SDK1: variants seen among roughly 807,000 people sequenced by gnomAD.
The protein encoded by SDK1 is sidekick cell adhesion molecule 1.
SDK1 carries 157 observed loss-of-function variants against 245.5 expected under a neutral mutation model. That is an observed-to-expected ratio of 0.64 (90% confidence interval 0.56 to 0.73). SDK1 has a LOEUF of 0.73. SDK1 is among the 30% of genes least tolerant of loss of function. The pLI, the probability that SDK1 is intolerant of heterozygous loss-of-function variation, is 0.00. For synonymous variants in SDK1, 1,647 were observed against 1,278.5 expected, an observed-to-expected ratio of 1.29 and a Z score of -6.15; for missense variants, 3,583 against 3,002.3, an observed-to-expected ratio of 1.19 and a Z score of -4.52.
In SDK1 at chr7:3,962,704, A is replaced by C; in HGVS notation, c.1282A>C (p.Ser428Arg). The C allele has an allele frequency of 6.2e-7, 1 of 1,613,810 alleles. No individual in the cohort carries two copies. Among genetic ancestry groups the C allele is most frequent in the Non-Finnish European group, 8.5e-7 (1 of 1,179,832 alleles). ...GTGGTACAAGGATGCCATCTCCATC[A>C]GCAGGCTCCAGAATCCTCGATACAA... ...LQWYKDAISI[S>R]RLQNPRYKVL... The change falls in exon 9 of 45, where the codon AGC (serine) becomes CGC (arginine). Residue 428 changes from serine (S) to arginine (R), a missense_variant. Coordinates refer to ENST00000404826, the MANE Select transcript of SDK1 (RefSeq NM_152744.4).
chr7:3,833,199 C>T (rs966415458), intron 5 of SDK1, among the ~76,000 whole-genome samples: 1 of 152,188 alleles, frequency 6.6e-6, no homozygotes, highest in African/African-American at 2.4e-5. Flanking sequence ...CATTTTAGTT[C>T]CTAAGTCGAA....
At chr7:3,868,273 G>T (rs150771498) in intron 5 of SDK1, among the ~76,000 whole-genome samples, 80 of 152,230 alleles carry the variant, frequency 5.3e-4, no homozygotes, top group African/African-American at 1.8e-3. Flanking sequence ...AAAATGTGCC[G>T]CTTAGTTTAT....
chr7:3,675,618 G>A (rs1248091322), intron 4 of SDK1, among the ~76,000 whole-genome samples: 1 of 152,110 alleles, frequency 6.6e-6, no homozygotes, highest in Admixed American at 6.6e-5. Context: ...CTGTCACCCA[G>A]GCTGGAGTAT....
At chr7:3,526,142 A>G (rs1026138276) in intron 1 of SDK1, among the ~76,000 whole-genome samples, 2 of 152,100 alleles carry the variant, frequency 1.3e-5, no homozygotes, top group Admixed American at 6.5e-5. Flanking sequence ...CTGAGGCAGG[A>G]GAATTGCTTG....
intron 35 of SDK1, among the ~76,000 whole-genome samples, chr7:4,188,279 G>A (rs549925434): frequency 6.6e-6 from 1 of 152,220 alleles, no homozygotes; most frequent in Non-Finnish European, 1.5e-5. Context: ...GGCGGCTTCT[G>A]ATTGGTTGGG....
chr7:3,808,438 A>G (rs562825860), intron 4 of SDK1, among the ~76,000 whole-genome samples: 1 of 152,180 alleles, frequency 6.6e-6, no homozygotes, highest in Admixed American at 6.5e-5. Context: ...CTGTCTCCCA[A>G]CTGTGGCTAA....
At chr7:3,439,714 C>T (rs1016413701) in intron 1 of SDK1, among the ~76,000 whole-genome samples, 11 of 152,154 alleles carry the variant, frequency 7.2e-5, no homozygotes, top group African/African-American at 2.4e-4. Context: ...CTTTATAGAA[C>T]AGAAAAAACA....
At chr7:4,209,425 G>A (rs1226424056) in intron 37 of SDK1, among the ~76,000 whole-genome samples, 1 of 152,200 alleles carries the variant, frequency 6.6e-6, no homozygotes, top group African/African-American at 2.4e-5. Flanking sequence ...CGGGCAGAGG[G>A]GGAGCTGCCA....
chr7:3,649,661 G>A (rs555372873), intron 4 of SDK1, among the ~76,000 whole-genome samples: 3 of 152,124 alleles, frequency 2.0e-5, no homozygotes, highest in Admixed American at 6.5e-5. Flanking sequence ...TAATCTTCAC[G>A]GCAGCCCAGC....
At chr7:3,852,958 GCT>G (rs1780455467) in intron 5 of SDK1, among the ~76,000 whole-genome samples, 2 of 151,808 alleles carry the variant, frequency 1.3e-5, no homozygotes, top group South Asian at 2.1e-4. Context: ...AAACTAATTA[GCT>G]CTGTTTTCCT....
At chr7:3,397,880 T>A (rs1236604006) in intron 1 of SDK1, among the ~76,000 whole-genome samples, 1 of 152,146 alleles carries the variant, frequency 6.6e-6, no homozygotes, top group African/African-American at 2.4e-5. Flanking sequence ...GAATTTCTGG[T>A]TTGATAATTA....
intron 5 of SDK1, among the ~76,000 whole-genome samples, chr7:3,846,306 G>A (rs2115095377): frequency 6.6e-6 from 1 of 152,312 alleles, no homozygotes; most frequent in East Asian, 1.9e-4. Flanking sequence ...TATAAATTAT[G>A]TTTATTGCAT....
intron 44 of SDK1, among the ~76,000 whole-genome samples, chr7:4,254,064 C>A (rs977530880): frequency 2.0e-5 from 3 of 152,082 alleles, no homozygotes; most frequent in African/African-American, 7.2e-5. Context: ...CTTATGGGAA[C>A]TTTACTCCTA....
chr7:3,484,707 A>G (rs1045868809), intron 1 of SDK1, among the ~76,000 whole-genome samples: 4 of 151,572 alleles, frequency 2.6e-5, no homozygotes, highest in African/African-American at 2.4e-5. Context: ...TGCACTCACT[A>G]CCTCCACAAG....
At chr7:4,187,160 G>A (rs1193962263) in intron 35 of SDK1, among the ~76,000 whole-genome samples, 1 of 152,162 alleles carries the variant, frequency 6.6e-6, no homozygotes, top group Non-Finnish European at 1.5e-5. Context: ...AGGCACGGGG[G>A]CCAAGTCCAG....
At chr7:3,422,172 A>G (rs944825518) in intron 1 of SDK1, among the ~76,000 whole-genome samples, 1 of 152,238 alleles carries the variant, frequency 6.6e-6, no homozygotes, top group Non-Finnish European at 1.5e-5. Context: ...AAAACTTGTT[A>G]CCTTCAAGTG....
At chr7:4,253,390 A>G (rs191184428) in intron 44 of SDK1, among the ~76,000 whole-genome samples, 1 of 152,140 alleles carries the variant, frequency 6.6e-6, no homozygotes, top group Non-Finnish European at 1.5e-5. Flanking sequence ...TCTTTGACAC[A>G]TTCGTTATTT....
intron 40 of SDK1, among the ~76,000 whole-genome samples, chr7:4,232,397 C>CTTTTG (rs1785838734): frequency 1.4e-5 from 1 of 73,918 alleles, no homozygotes; most frequent in Non-Finnish European, 2.8e-5. Context: ...TTTTTCTTTT[C>CTTTTG]TTTTCTTTTC....
At position 3,967,367 on chromosome 7, in the gene SDK1, C is replaced by T. The variant is rs149234557; in HGVS notation, c.1479C>T (p.Asp493=). The T allele has an allele frequency of 3.2e-5, 51 of 1,614,018 alleles. 2 individuals carry two copies. The Admixed American group carries it at 3.5e-4, about 11-fold the overall frequency. ...GGCCAGTGGACACCACAGTTACTGA[C>T]GGGATGACAGCCATTCTAAGGTGTG... The part of the protein sequence containing the change: ...TQRPVDTTVT[D]GMTAILRCEV... Residue 493 remains aspartate, a synonymous_variant, in exon 10 of 45, where the codon GAC becomes GAT. Coordinates refer to ENST00000404826, the MANE Select transcript of SDK1 (RefSeq NM_152744.4).
Sources: gnomAD v4.1 joint callset for allele counts (sites outside exome capture counted in the v4.1 genomes callset) on GRCh38, gnomAD v4.1.1 for gene constraint, MANE v1.5 for transcripts, NCBI Gene and HGNC (gene_info 2026-07-23, HGNC 2026-07-21) for gene names.